The following FUT8 variants were observed in gnomAD, a reference collection of about 807,000 sequenced individuals.
FUT8 encodes the protein alpha-(1,6)-fucosyltransferase.
FUT8 carries 29 observed loss-of-function variants against 71.3 expected under a neutral mutation model. The ratio of observed to expected loss-of-function variants is 0.41; its 90% confidence interval spans 0.30 to 0.55. The LOEUF (loss-of-function observed/expected upper bound fraction) is 0.55, where lower values mean the gene tolerates loss of function less well. Ranked by LOEUF, FUT8 falls within the 20% of genes least tolerant of loss-of-function variation. The pLI, the probability that FUT8 is intolerant of heterozygous loss-of-function variation, is 0.34. For synonymous variants in FUT8, 254 were observed against 239.3 expected (o/e 1.06, Z -0.57); for missense variants, 544 against 702.1 (o/e 0.77, Z 2.55).
rs573588038 is a variant in FUT8, at chr14:65,413,610, G to C, written c.-326+396G>C. On this transcript the variant is annotated intron_variant, in intron 1 of 10. Transcript: ENST00000673929. This position sits in a 1 kb window ranked among gnomAD's most constrained non-coding sequence, Gnocchi z 4.1. ...CCTACCTTCCCTTCGTCAGCAGCTCGGTCCCTGGAGTCGCGGTTTGTGGGG... is the reference window on the plus strand; with the variant it reads ...CCTACCTTCCCTTCGTCAGCAGCTCCGTCCCTGGAGTCGCGGTTTGTGGGG... 6.6e-6 allele frequency among the ~76,000 whole-genome samples: 1 copy of C among 152,176 alleles called. No individual in the cohort carries two copies. The highest frequency in any genetic ancestry group is 2.4e-5 in the African/African-American group (1 of 41,466).
chr14:65,582,628 T>C (rs1478176689), intron 3 of FUT8, among the ~76,000 whole-genome samples: 2 of 152,196 alleles, frequency 1.3e-5, no homozygotes, highest in African/African-American at 4.8e-5. Flanking sequence ...TTCTATATGT[T>C]CACCCAGCAG....
At chr14:65,516,754 A>G (rs979060771) in intron 2 of FUT8, among the ~76,000 whole-genome samples, 1 of 152,024 alleles carries the variant, frequency 6.6e-6, no homozygotes, top group African/African-American at 2.4e-5. Flanking sequence ...TACATAACAC[A>G]ATTCACCATT....
intron 2 of FUT8, among the ~76,000 whole-genome samples, chr14:65,519,278 T>C (rs1273579095): frequency 1.3e-5 from 2 of 152,162 alleles, no homozygotes; most frequent in Non-Finnish European, 2.9e-5. Context: ...TGGTAATACA[T>C]AGAATGTAGT....
intron 3 of FUT8, among the ~76,000 whole-genome samples, chr14:65,575,411 A>G (rs1464054823): frequency 6.6e-6 from 1 of 152,168 alleles, no homozygotes; most frequent in Non-Finnish European, 1.5e-5. Flanking sequence ...AATCTTTCAT[A>G]CATGGGCATT....
chr14:65,633,623 T>C (rs1309724468), intron 6 of FUT8, among the ~76,000 whole-genome samples: 82 of 143,778 alleles, frequency 5.7e-4, no homozygotes, highest in African/African-American at 2.1e-3. Context: ...GGAGCGCCTC[T>C]GCCCCGCCGC....
chr14:65,646,800 T>A (rs1206461434), intron 6 of FUT8, among the ~76,000 whole-genome samples: 1 of 152,182 alleles, frequency 6.6e-6, no homozygotes, highest in Non-Finnish European at 1.5e-5. Context: ...ATATGGCTCA[T>A]TGATAAGTCA....
chr14:65,381,333 TAAAAC>T, the FUT8 span, among the ~76,000 whole-genome samples: 1 of 152,212 alleles, frequency 6.6e-6, no homozygotes, highest in Non-Finnish European at 1.5e-5. Context: ...GCATTTAACT[TAAAAC>T]AAATTGCAGG....
rs1409875766 is a variant in FUT8, at chr14:65,472,451, T to C, written c.-228+16733T>C. The stretch of plus-strand genomic sequence containing the variant: ...ACAGGAGGGACAATCATCTAAGTGA[T>C]AGCATAGACTCAGGCTATTTACTAT... On this transcript the variant is annotated intron_variant, in intron 2 of 10. Transcript: ENST00000673929. This position sits in a 1 kb window ranked among gnomAD's most constrained non-coding sequence, Gnocchi z 4.4. Among the ~76,000 whole-genome samples the C allele has an allele frequency of 6.6e-6, 1 of 152,122 alleles. No individual in the cohort carries two copies. Among genetic ancestry groups the C allele is most frequent in the African/African-American group, 2.4e-5 (1 of 41,414 alleles).
chr14:65,528,151 A>G (rs1883634477), intron 2 of FUT8, among the ~76,000 whole-genome samples: 1 of 152,234 alleles, frequency 6.6e-6, no homozygotes, highest in Non-Finnish European at 1.5e-5. Context: ...ACAGAGGTGG[A>G]GTCTGCAGAG....
chr14:65,451,008 C>T (rs1303204180), intron 1 of FUT8, among the ~76,000 whole-genome samples: 1 of 152,096 alleles, frequency 6.6e-6, no homozygotes, highest in East Asian at 1.9e-4. Context: ...AGGCGCCTGC[C>T]ACCGCACCCC....
At chr14:65,622,024 A>T (rs1203648121) in intron 5 of FUT8, among the ~76,000 whole-genome samples, 1 of 152,196 alleles carries the variant, frequency 6.6e-6, no homozygotes, top group East Asian at 1.9e-4. Flanking sequence ...GGATTTCACC[A>T]TGTTGGCCAG....
intron 2 of FUT8, among the ~76,000 whole-genome samples, chr14:65,502,941 C>T (rs2139777763): frequency 6.6e-6 from 1 of 152,294 alleles, no homozygotes; most frequent in Admixed American, 6.5e-5. Context: ...GGTCCCTAGA[C>T]CAGACTTTTT....
chr14:65,677,578 C>G (rs1026943964), intron 7 of FUT8, among the ~76,000 whole-genome samples: 1 of 152,016 alleles, frequency 6.6e-6, no homozygotes, highest in African/African-American at 2.4e-5. Flanking sequence ...ATTTTGATAT[C>G]CAACTTTACT....
the FUT8 span, among the ~76,000 whole-genome samples, chr14:65,379,066 C>T: frequency 6.5e-3 from 986 of 151,732 alleles, 13 homozygotes; most frequent in East Asian, 0.035. Flanking sequence ...AGGCTGGTCT[C>T]GAACTCCTAA....
At chr14:65,508,365 C>T (rs564274623) in intron 2 of FUT8, among the ~76,000 whole-genome samples, 133 of 150,970 alleles carry the variant, frequency 8.8e-4, no homozygotes, top group Middle Eastern at 3.5e-3. Context: ...CCACTGTGCC[C>T]GGCCGAACAC....
At chr14:65,694,911 G>C (rs192342801) in intron 7 of FUT8, among the ~76,000 whole-genome samples, 1,227 of 109,518 alleles carry the variant, frequency 0.011, 23 homozygotes, top group African/African-American at 0.041. Flanking sequence ...GGGGAGGGGG[G>C]AGGGATAGCT....
chr14:65,691,859 C>G (rs946987239), intron 7 of FUT8, among the ~76,000 whole-genome samples: 2 of 152,136 alleles, frequency 1.3e-5, no homozygotes, highest in Admixed American at 6.5e-5. Context: ...TTGCACCGCC[C>G]TTAATCCATT....
intron 1 of FUT8, among the ~76,000 whole-genome samples, chr14:65,414,347 A>G (rs1364376925): frequency 5.9e-5 from 9 of 152,034 alleles, no homozygotes; most frequent in Non-Finnish European, 1.2e-4. Context: ...TCTATGTTTT[A>G]TGACTAATTC....
At chr14:65,446,155 G>A (rs942047799) in intron 1 of FUT8, among the ~76,000 whole-genome samples, 3 of 152,146 alleles carry the variant, frequency 2.0e-5, no homozygotes, top group African/African-American at 7.2e-5. Context: ...TTAATCTACA[G>A]ATCCCCCATC....
Sources: gnomAD v4.1 joint callset for allele counts (sites outside exome capture counted in the v4.1 genomes callset) on GRCh38, gnomAD v4.1.1 for gene constraint, Gnocchi (gnomAD v3.1) non-coding constraint, MANE v1.5 for transcripts, NCBI Gene and HGNC (gene_info 2026-07-23, HGNC 2026-07-21) for gene names.